NRG1: variants seen among roughly 807,000 people sequenced by gnomAD.
NRG1 encodes the protein neuregulin 1, also known as pro-neuregulin-1, membrane-bound isoform.
Under a neutral mutation model 63.8 loss-of-function variants are expected in NRG1, and 18 were observed. That is an observed-to-expected ratio of 0.28 (90% CI 0.19 to 0.42). The LOEUF (loss-of-function observed/expected upper bound fraction) is 0.42, where lower values mean the gene tolerates loss of function less well. NRG1 is among the 10% of genes least tolerant of loss of function. The pLI, the probability that NRG1 is intolerant of heterozygous loss-of-function variation, is 1.00. For missense variants in NRG1, 762 were observed against 814.7 expected, an observed-to-expected ratio of 0.94 and a Z score of 0.79; for synonymous variants, 302 against 301.3, an observed-to-expected ratio of 1.00 and a Z score of -0.02.
intron 1 of NRG1, among the ~76,000 whole-genome samples, chr8:32,412,652 T>G (rs535201763): frequency 2.0e-5 from 3 of 151,708 alleles, no homozygotes; most frequent in African/African-American, 7.3e-5. Context: ...CCTAACCTGA[T>G]GCACACTGAG....
At chr8:32,727,393 A>G (rs1309774641) in intron 5 of NRG1, among the ~76,000 whole-genome samples, 1 of 152,222 alleles carries the variant, frequency 6.6e-6, no homozygotes, top group Non-Finnish European at 1.5e-5. Flanking sequence ...ATGGCTTCTA[A>G]TCTGCATGTT....
At chr8:32,303,183 C>CAAAAAAAAAAAAAAAAAAAAAAAAA (rs1563291349) in intron 1 of NRG1, among the ~76,000 whole-genome samples, 3 of 59,708 alleles carry the variant, frequency 5.0e-5, no homozygotes, top group African/African-American at 1.5e-4. Flanking sequence ...AACTCAGTCT[C>CAAAAAAAAAAAAAAAAAAAAAAAAA]CAAAAAAAAA....
chr8:31,689,549 C>T (rs1269264430), intron 1 of NRG1, among the ~76,000 whole-genome samples: 3 of 152,090 alleles, frequency 2.0e-5, no homozygotes, highest in Admixed American at 6.5e-5. Flanking sequence ...TTTCTTCTTG[C>T]CCGCTTTTCC....
chr8:32,612,783 C>G (rs1263725709), intron 3 of NRG1, among the ~76,000 whole-genome samples: 1 of 151,886 alleles, frequency 6.6e-6, no homozygotes. Flanking sequence ...CTGCCCAGCT[C>G]TAGTTGAGCA....
At chr8:32,628,926 G>T (rs1321117946) in intron 5 of NRG1, among the ~76,000 whole-genome samples, 1 of 151,976 alleles carries the variant, frequency 6.6e-6, no homozygotes, top group Non-Finnish European at 1.5e-5. Flanking sequence ...TAGACACAGG[G>T]TTCCACCATG....
intron 1 of NRG1, among the ~76,000 whole-genome samples, chr8:32,366,675 GTGTA>G (rs1273339059): frequency 4.8e-4 from 26 of 54,544 alleles, no homozygotes; most frequent in African/African-American, 1.7e-3. Context: ...GTGTGTGTGT[GTGTA>G]TATATATATA....
chr8:31,856,903 A>G (rs942761983), intron 1 of NRG1, among the ~76,000 whole-genome samples: 35 of 143,790 alleles, frequency 2.4e-4, no homozygotes, highest in Non-Finnish European at 4.9e-4. Flanking sequence ...CTGCTGGGGG[A>G]TGCCTCCCAG....
chr8:32,652,498 C>A (rs997300156), intron 5 of NRG1, among the ~76,000 whole-genome samples: 6 of 151,994 alleles, frequency 3.9e-5, no homozygotes, highest in African/African-American at 1.5e-4. Context: ...CCTTTCCTTC[C>A]TACCTTCCCA....
chr8:31,981,841 A>G (rs1316374373), intron 1 of NRG1, among the ~76,000 whole-genome samples: 2 of 152,042 alleles, frequency 1.3e-5, no homozygotes, highest in African/African-American at 2.4e-5. Flanking sequence ...AAAAAGGAAT[A>G]TGGTGATAAT....
At chr8:31,659,897 G>A (rs1805804690) in intron 1 of NRG1, among the ~76,000 whole-genome samples, 1 of 152,144 alleles carries the variant, frequency 6.6e-6, no homozygotes, top group Non-Finnish European at 1.5e-5. Context: ...TGTATTTGGT[G>A]TGCTTGCTCT....
chr8:31,910,166 T>G (rs1329461373), intron 1 of NRG1, among the ~76,000 whole-genome samples: 1 of 152,188 alleles, frequency 6.6e-6, no homozygotes, highest in African/African-American at 2.4e-5. Context: ...AGGATGACGA[T>G]GACACATAGG....
At chr8:31,656,495 GT>G (rs1805448913) in intron 1 of NRG1, among the ~76,000 whole-genome samples, 1 of 152,148 alleles carries the variant, frequency 6.6e-6, no homozygotes, top group Non-Finnish European at 1.5e-5. Flanking sequence ...TTAAGATTGG[GT>G]TTTAGTAATA....
At chr8:32,734,463 C>G (rs1824504580) in intron 6 of NRG1, among the ~76,000 whole-genome samples, 1 of 152,184 alleles carries the variant, frequency 6.6e-6, no homozygotes, top group Non-Finnish European at 1.5e-5. Context: ...AGTATTGCTG[C>G]TAACACCAAT....
At chr8:32,482,473 T>G (rs1825424912) in intron 1 of NRG1, among the ~76,000 whole-genome samples, 1 of 151,660 alleles carries the variant, frequency 6.6e-6, no homozygotes, top group South Asian at 2.1e-4. Context: ...CCATCCATTC[T>G]TTGCACATCA....
chr8:31,826,002 A>C (rs918558945), intron 1 of NRG1, among the ~76,000 whole-genome samples: 2 of 152,196 alleles, frequency 1.3e-5, no homozygotes, highest in Non-Finnish European at 2.9e-5. Context: ...TACTTTTGGA[A>C]ATCAAGAAAA....
intron 1 of NRG1, among the ~76,000 whole-genome samples, chr8:31,803,546 C>T (rs1379255709): frequency 1.3e-5 from 2 of 152,204 alleles, no homozygotes; most frequent in Admixed American, 1.3e-4. Flanking sequence ...CTTCATTTCT[C>T]TCCATCCACA....
At chr8:31,800,422 C>T (rs996023734) in intron 1 of NRG1, among the ~76,000 whole-genome samples, 2 of 152,268 alleles carry the variant, frequency 1.3e-5, no homozygotes, top group African/African-American at 2.4e-5. Context: ...GTAAGTTGTA[C>T]GTGCTTGAGT....
intron 1 of NRG1, among the ~76,000 whole-genome samples, chr8:31,965,348 G>A (rs1806146401): frequency 6.6e-6 from 1 of 151,818 alleles, no homozygotes; most frequent in African/African-American, 2.4e-5. Flanking sequence ...TCAGCTTCCT[G>A]AATAGCTGGG....
intron 1 of NRG1, among the ~76,000 whole-genome samples, chr8:32,352,423 A>G (rs1057034980): frequency 1.3e-5 from 2 of 151,420 alleles, no homozygotes; most frequent in African/African-American, 4.9e-5. Context: ...TTCAATCTCT[A>G]TAATTGTATA....
Sources: gnomAD v4.1 joint callset for allele counts (sites outside exome capture counted in the v4.1 genomes callset) on GRCh38, gnomAD v4.1.1 for gene constraint, MANE v1.5 for transcripts, NCBI Gene and HGNC (gene_info 2026-07-23, HGNC 2026-07-21) for gene names.